Variants in RASSF3 observed in about 807,000 individuals in gnomAD.
RASSF3 encodes Ras association domain family member 3, also known as ras association domain-containing protein 3.
Under a neutral mutation model 19.9 loss-of-function variants are expected in RASSF3, and 19 were observed. That is an observed-to-expected ratio of 0.96 (90% confidence interval 0.67 to 1.40). RASSF3 has a LOEUF of 1.40. Among genes scored for constraint, RASSF3 ranks in the 40% most tolerant of loss-of-function variants. The pLI is 0.00. For synonymous variants in RASSF3, 110 were observed against 104.2 expected (o/e 1.06, Z -0.34); for missense variants, 306 against 289.8 (o/e 1.06, Z -0.41).
intron 1 of RASSF3, among the ~76,000 whole-genome samples, chr12:64,683,727 CT>C (rs758595320): frequency 2.0e-5 from 3 of 152,158 alleles, no homozygotes; most frequent in Non-Finnish European, 4.4e-5. Flanking sequence ...TGGTAAATGT[CT>C]TTAAATGTTG....
intron 1 of RASSF3, among the ~76,000 whole-genome samples, chr12:64,621,004 T>G (rs1870739477): frequency 6.6e-6 from 1 of 152,148 alleles, no homozygotes; most frequent in African/African-American, 2.4e-5. Context: ...GGCGCGATCT[T>G]GGCTTACTGC....
At chr12:64,582,655 A>G (rs1391116557) in intron 2 of RASSF3, among the ~76,000 whole-genome samples, 1 of 152,148 alleles carries the variant, frequency 6.6e-6, no homozygotes, top group Non-Finnish European at 1.5e-5. Context: ...GTGGAGTTAG[A>G]AAAAGATTCA....
chr12:64,613,339 A>T (rs1422247586), intron 1 of RASSF3, among the ~76,000 whole-genome samples: 1 of 150,852 alleles, frequency 6.6e-6, no homozygotes, highest in Non-Finnish European at 1.5e-5. Flanking sequence ...TCTATTAGAG[A>T]TACAGTGATT....
At chr12:64,614,355 T>C (rs1870479735) in intron 1 of RASSF3, among the ~76,000 whole-genome samples, 1 of 152,134 alleles carries the variant, frequency 6.6e-6, no homozygotes, top group Non-Finnish European at 1.5e-5. Context: ...CTTGAATTCC[T>C]GACCTCAGGT....
At chr12:64,604,872 G>A (rs956073998) in intron 2 of RASSF3, among the ~76,000 whole-genome samples, 1 of 152,032 alleles carries the variant, frequency 6.6e-6, no homozygotes. Context: ...TGATCCGCCC[G>A]CCTCGGCCTC....
chr12:64,606,564 A>G (rs1870196137), upstream of RASSF3, among the ~76,000 whole-genome samples: 1 of 152,166 alleles, frequency 6.6e-6, no homozygotes, highest in Non-Finnish European at 1.5e-5. Context: ...AAGGTCACAT[A>G]AGAGTCAGTG....
At chr12:64,691,609 T>C (rs528580619) in intron 4 of RASSF3, 30 bp downstream of exon 4, 2 of 1,279,928 alleles carry the variant, frequency 1.6e-6, no homozygotes, top group South Asian at 2.4e-5. Context: ...TGCTTTAAAC[T>C]ATACAGAACA....
chr12:64,676,027 G>C (rs1247701458), intron 1 of RASSF3, among the ~76,000 whole-genome samples: 1 of 152,024 alleles, frequency 6.6e-6, no homozygotes, highest in African/African-American at 2.4e-5. Flanking sequence ...TGAGTCTCTA[G>C]ATGTGGCACC....
chr12:64,605,539 A>G (rs1337499466), upstream of RASSF3, among the ~76,000 whole-genome samples: 2 of 152,194 alleles, frequency 1.3e-5, no homozygotes, highest in Non-Finnish European at 2.9e-5. Context: ...CTATTCCAGC[A>G]GGAACAAAAT....
intron 1 of RASSF3, among the ~76,000 whole-genome samples, chr12:64,636,031 A>C (rs1215381417): frequency 6.6e-6 from 1 of 152,194 alleles, no homozygotes; most frequent in Non-Finnish European, 1.5e-5. Flanking sequence ...ATGCATGTAC[A>C]ATATGGGTGG....
chr12:64,605,487 G>A (rs1266796049), intron 2 of RASSF3, among the ~76,000 whole-genome samples: 1 of 152,060 alleles, frequency 6.6e-6, no homozygotes, highest in East Asian at 1.9e-4. Flanking sequence ...CAATGTCAAT[G>A]GAGGAGAACA....
At chr12:64,618,496 T>G (rs888705298) in intron 1 of RASSF3, among the ~76,000 whole-genome samples, 1 of 151,996 alleles carries the variant, frequency 6.6e-6, no homozygotes, top group African/African-American at 2.4e-5. Context: ...CCGGCTAATT[T>G]TTGTATTTTT....
chr12:64,629,095 C>A (rs550980266), intron 1 of RASSF3, among the ~76,000 whole-genome samples: 3 of 150,616 alleles, frequency 2.0e-5, no homozygotes, highest in African/African-American at 7.3e-5. Context: ...CCACCACACC[C>A]GACTAATTTT....
intron 2 of RASSF3, among the ~76,000 whole-genome samples, chr12:64,549,055 C>G (rs558677156): frequency 6.6e-6 from 1 of 151,972 alleles, no homozygotes; most frequent in Non-Finnish European, 1.5e-5. Context: ...AAGTGGGGTA[C>G]GATAGCCCAA....
intron 4 of RASSF3, among the ~76,000 whole-genome samples, chr12:64,693,613 G>A (rs963492215): frequency 2.0e-5 from 3 of 151,982 alleles, no homozygotes; most frequent in African/African-American, 7.3e-5. Context: ...GCGACCTGGT[G>A]TCACTATTTT....
chr12:64,687,625 C>A (rs1421201265), intron 2 of RASSF3, among the ~76,000 whole-genome samples: 1 of 151,878 alleles, frequency 6.6e-6, no homozygotes, highest in Non-Finnish European at 1.5e-5. Context: ...GAAATGCATT[C>A]TATGCTGTAT....
At chr12:64,595,782 C>T (rs1869990577) in intron 2 of RASSF3, among the ~76,000 whole-genome samples, 1 of 152,120 alleles carries the variant, frequency 6.6e-6, no homozygotes, top group Non-Finnish European at 1.5e-5. Flanking sequence ...CAGAAGCAGC[C>T]TAAGAAGCAA....
At chr12:64,531,334 T>G (rs1345719411), upstream of RASSF3, among the ~76,000 whole-genome samples, 1 of 152,172 alleles carries the variant, frequency 6.6e-6, no homozygotes, top group Admixed American at 6.5e-5. Flanking sequence ...TGAAGTACCT[T>G]TTTACCTTTA....
At chr12:64,685,538 A>G (rs1873315642) in intron 2 of RASSF3, among the ~76,000 whole-genome samples, 1 of 152,122 alleles carries the variant, frequency 6.6e-6, no homozygotes, top group South Asian at 2.1e-4. Flanking sequence ...AGAAGCCCCT[A>G]AGTTTTTGTC....
Sources: gnomAD v4.1 joint callset for allele counts (sites outside exome capture counted in the v4.1 genomes callset) on GRCh38, gnomAD v4.1.1 for gene constraint, MANE v1.5 for transcripts, NCBI Gene and HGNC (gene_info 2026-07-23, HGNC 2026-07-21) for gene names.